The following DCLK1 variants were observed in gnomAD, a reference collection of about 807,000 sequenced individuals.
The protein encoded by DCLK1 is serine/threonine-protein kinase DCLK1.
Under a neutral mutation model 86.2 loss-of-function variants are expected in DCLK1, and 16 were observed. The observed-to-expected ratio is 0.19, with a 90% CI of 0.13 to 0.28. DCLK1 has a LOEUF of 0.28. DCLK1 is among the 10% of genes least tolerant of loss of function. DCLK1 has a pLI of 1.00. For synonymous variants in DCLK1, 369 were observed against 370.5 expected, an observed-to-expected ratio of 1.00 and a Z score of 0.05; for missense variants, 590 against 940.2, an observed-to-expected ratio of 0.63 and a Z score of 4.87.
At chr13:35,808,403 C>G in intron 13 of DCLK1, 83 bp from the exon 14 acceptor site, 2 of 1,077,078 alleles carry the variant, frequency 1.9e-6, no homozygotes, top group Non-Finnish European at 2.9e-6. Flanking sequence ...GCACTGGAGC[C>G]CTTCCTTTCC....
At chr13:35,812,080 C>T (rs181179963) in intron 11 of DCLK1, among the ~76,000 whole-genome samples, 1 of 152,260 alleles carries the variant, frequency 6.6e-6, no homozygotes, top group East Asian at 1.9e-4. Flanking sequence ...AATCTTCTCT[C>T]TTTCACCCAA....
chr13:36,106,017 A>T (rs1358382946), intron 3 of DCLK1, among the ~76,000 whole-genome samples: 1 of 152,220 alleles, frequency 6.6e-6, no homozygotes, highest in Non-Finnish European at 1.5e-5. Context: ...TCAGCACACT[A>T]TGGAAGGGCT....
intron 4 of DCLK1, among the ~76,000 whole-genome samples, chr13:35,942,235 T>G (rs942668320): frequency 4.6e-5 from 7 of 152,126 alleles, no homozygotes; most frequent in South Asian, 4.1e-4. Flanking sequence ...GGTGTGATCT[T>G]GGCTCACTGC....
At chr13:36,101,007 C>T (rs1171320991) in intron 3 of DCLK1, among the ~76,000 whole-genome samples, 3 of 152,188 alleles carry the variant, frequency 2.0e-5, no homozygotes, top group African/African-American at 7.2e-5. Flanking sequence ...CGGGCATCGT[C>T]CATGTTGGGA....
intron 3 of DCLK1, among the ~76,000 whole-genome samples, chr13:35,996,585 T>C (rs1431927465): frequency 6.6e-6 from 1 of 152,206 alleles, no homozygotes; most frequent in Non-Finnish European, 1.5e-5. Context: ...GAGGCCATTC[T>C]AGCAGATTTG....
chr13:35,952,144 C>T, intron 3 of DCLK1, among the ~76,000 whole-genome samples: 1 of 152,230 alleles, frequency 6.6e-6, no homozygotes, highest in African/African-American at 2.4e-5. Context: ...TGTATTTTTA[C>T]TTCTAAATAA....
intron 4 of DCLK1, among the ~76,000 whole-genome samples, chr13:35,932,057 G>T (rs1189904651): frequency 6.6e-6 from 1 of 152,184 alleles, no homozygotes; most frequent in Admixed American, 6.5e-5. Flanking sequence ...TGTCTGTGAG[G>T]ATGCTTCTGG....
At chr13:35,934,606 C>A (rs76535612) in intron 4 of DCLK1, among the ~76,000 whole-genome samples, 1 of 152,126 alleles carries the variant, frequency 6.6e-6, no homozygotes, top group Non-Finnish European at 1.5e-5. Flanking sequence ...GGAAACTGCA[C>A]CCACGATTCA....
chr13:35,796,902 T>C (rs532653678), intron 15 of DCLK1, among the ~76,000 whole-genome samples: 5 of 152,290 alleles, frequency 3.3e-5, no homozygotes, highest in Non-Finnish European at 5.9e-5. Context: ...AGAGAATATT[T>C]GGACACGACT....
chr13:36,050,226 T>C (rs763707546), intron 3 of DCLK1, among the ~76,000 whole-genome samples: 1 of 152,220 alleles, frequency 6.6e-6, no homozygotes, highest in Non-Finnish European at 1.5e-5. Flanking sequence ...TGTTTAATAA[T>C]ATCTTTTACA....
At chr13:35,821,198 T>C (rs1238769721) in intron 11 of DCLK1, among the ~76,000 whole-genome samples, 1 of 152,224 alleles carries the variant, frequency 6.6e-6, no homozygotes, top group Non-Finnish European at 1.5e-5. Flanking sequence ...TAATAGAACT[T>C]ACCCAATGTG....
chr13:35,775,429 A>G (rs1252041460), intron 16 of DCLK1, among the ~76,000 whole-genome samples: 2 of 152,156 alleles, frequency 1.3e-5, no homozygotes, highest in African/African-American at 2.4e-5. Flanking sequence ...CCCAGTCTCT[A>G]TGCCTCAATT....
intron 4 of DCLK1, among the ~76,000 whole-genome samples, chr13:35,942,840 T>C (rs1248623564): frequency 1.3e-5 from 2 of 152,172 alleles, no homozygotes; most frequent in African/African-American, 2.4e-5. Flanking sequence ...AAGGGTCAGA[T>C]GAGGGGCAGC....
intron 7 of DCLK1, among the ~76,000 whole-genome samples, chr13:35,838,065 C>CAAAAAAAAAAAAAAAAAAAAAAAAAAAA (rs748395648): frequency 3.0e-5 from 3 of 100,380 alleles, no homozygotes; most frequent in African/African-American, 3.9e-5. Context: ...GACTCCATCT[C>CAAAAAAAAAAAAAAAAAAAAAAAAAAAA]AAAAAAAAAA....
intron 8 of DCLK1, among the ~76,000 whole-genome samples, chr13:35,828,876 C>T (rs1415608754): frequency 6.6e-6 from 1 of 152,148 alleles, no homozygotes; most frequent in East Asian, 1.9e-4. Context: ...CATGCAATTA[C>T]ACTGAAGACT....
chr13:36,129,710 G>C (rs955127539), intron 1 of DCLK1, among the ~76,000 whole-genome samples: 1 of 152,210 alleles, frequency 6.6e-6, no homozygotes, highest in Non-Finnish European at 1.5e-5. Context: ...AGGTGGCCAA[G>C]GGCCTGAGTG....
chr13:35,941,225 T>G (rs1877062271), intron 4 of DCLK1, among the ~76,000 whole-genome samples: 1 of 152,214 alleles, frequency 6.6e-6, no homozygotes, highest in Non-Finnish European at 1.5e-5. Context: ...AAGCCGTGAT[T>G]ACTTTTGCAG....
chr13:36,112,733 A>G (rs1311452588), intron 2 of DCLK1, among the ~76,000 whole-genome samples: 1 of 152,214 alleles, frequency 6.6e-6, no homozygotes, highest in Non-Finnish European at 1.5e-5. Flanking sequence ...GCAAGCAAAT[A>G]ATCACCCTTC....
chr13:35,781,167 G>GA (rs764614524), intron 16 of DCLK1, among the ~76,000 whole-genome samples: 85 of 149,652 alleles, frequency 5.7e-4, no homozygotes, highest in Non-Finnish European at 1.0e-3. Context: ...CATTAGCTTA[G>GA]GTTTTGCCGG....
Sources: allele counts gnomAD v4.1 joint callset (sites outside exome capture counted in the v4.1 genomes callset), GRCh38; gene constraint gnomAD v4.1.1; transcripts MANE v1.5; gene names NCBI Gene and HGNC (gene_info 2026-07-23, HGNC 2026-07-21).